UBR2: variants seen among roughly 807,000 people sequenced by gnomAD.
The protein encoded by UBR2 is E3 ubiquitin-protein ligase UBR2.
UBR2 carries 92 observed loss-of-function variants against 247.9 expected under a neutral mutation model. That is an observed-to-expected ratio of 0.37 (90% confidence interval 0.31 to 0.44). The LOEUF (loss-of-function observed/expected upper bound fraction) is 0.44. Ranked by LOEUF, UBR2 falls within the 20% of genes least tolerant of loss-of-function variation. The probability of loss-of-function intolerance (pLI) is 1.00; values close to 1 mark genes in which losing one functional copy is unlikely to be tolerated. For missense variants in UBR2, 1,613 were observed against 2,112.6 expected, an observed-to-expected ratio of 0.76 and a Z score of 4.64; for synonymous variants, 672 against 693.5, an observed-to-expected ratio of 0.97 and a Z score of 0.49.
chr6:42,679,680 C>A, intron 41 of UBR2, 44 bp from the exon 42 acceptor site: 1 of 1,378,908 alleles, frequency 7.3e-7, no homozygotes, highest in Non-Finnish European at 1.0e-6. Context: ...GCAGAATATG[C>A]CCTTAGTTGT....
At chr6:42,651,969 G>A in intron 23 of UBR2, 54 bp from the exon 24 acceptor site, 2 of 1,503,088 alleles carry the variant, frequency 1.3e-6, no homozygotes, top group Non-Finnish European at 1.8e-6. Flanking sequence ...AATTAACCAG[G>A]TGTGGTGGTG....
At chr6:42,679,651 G>A in intron 41 of UBR2, 73 bp from the exon 42 acceptor site, 1 of 1,091,208 alleles carries the variant, frequency 9.2e-7, no homozygotes, top group Non-Finnish European at 1.4e-6. Flanking sequence ...TTTAAACTCT[G>A]CTATTGCTTA....
At chr6:42,653,295 C>T (rs1000918948) in intron 25 of UBR2, among the ~76,000 whole-genome samples, 1 of 152,176 alleles carries the variant, frequency 6.6e-6, no homozygotes, top group Non-Finnish European at 1.5e-5. Context: ...GTTCCCCAGG[C>T]TGGTCTCAAA....
rs1186577422 is a variant in UBR2 at position 42,573,777 on chromosome 6, A to T, written c.122A>T (p.His41Leu). 6.2e-7 allele frequency: 1 copy of T among 1,608,558 alleles called. No individual in the cohort carries two copies. The highest frequency in any genetic ancestry group is 1.7e-5 in the Admixed American group (1 of 59,360). ...GACCTCACTAGAGAAGTGTACCAGC[A>T]TTTAGCCCACTATGTACCCAAAATC... ...ATDLTREVYQ[H>L]LAHYVPKIYC... The change falls in exon 2 of 47, where the codon CAT (histidine) becomes CTT (leucine). Residue 41 changes from histidine (H) to leucine (L), a missense_variant. Transcript: ENST00000372901.
At chr6:42,673,977 A>C in intron 37 of UBR2, 90 bp downstream of exon 37, 1 of 1,282,494 alleles carries the variant, frequency 7.8e-7, no homozygotes, top group Non-Finnish European at 1.1e-6. Context: ...TAATGAATTA[A>C]ATATTTAGTA....
chr6:42,669,984 T>C, intron 34 of UBR2, 108 bp from the exon 35 acceptor site: 1 of 1,284,688 alleles, frequency 7.8e-7, no homozygotes, highest in Non-Finnish European at 1.1e-6. Flanking sequence ...TCTCTGGATA[T>C]ATGTTAAGTG....
intron 13 of UBR2, 54 bp downstream of exon 13, chr6:42,632,958 C>CTTTTTTTTTTTTTTTTTTTTTTTTTTTTT (rs34284200): frequency 1.1e-5 from 7 of 647,132 alleles, no homozygotes; most frequent in African/African-American, 2.5e-5. Context: ...TCTCTTTTCT[C>CTTTTTTTTTTTTTTTTTTTTTTTTTTTTT]TTTTTTTTTT....
At chr6:42,573,290 A>T (rs1180729998) in intron 1 of UBR2, among the ~76,000 whole-genome samples, 2 of 152,194 alleles carry the variant, frequency 1.3e-5, no homozygotes, top group Non-Finnish European at 2.9e-5. Flanking sequence ...TTGGCTGTTC[A>T]TGTTCACCGT....
chr6:42,576,300 C>G (rs565944852), intron 2 of UBR2, among the ~76,000 whole-genome samples: 2 of 152,214 alleles, frequency 1.3e-5, no homozygotes, highest in South Asian at 4.1e-4. Flanking sequence ...CTCTTCTGTT[C>G]CCATCTAAGG....
At chr6:42,590,173 C>T (rs1205754966) in intron 2 of UBR2, among the ~76,000 whole-genome samples, 2 of 152,186 alleles carry the variant, frequency 1.3e-5, no homozygotes, top group African/African-American at 4.8e-5. Context: ...GAGATAGATA[C>T]TGCATACACA....
At chr6:42,620,332 A>G (rs1242174562) in intron 11 of UBR2, 3 of 152,108 alleles carry the variant, frequency 2.0e-5, no homozygotes, top group African/African-American at 7.2e-5. Context: ...TCCCTGTTAA[A>G]GTTGTCCTTT....
At chr6:42,578,029 C>T (rs1791637257) in intron 2 of UBR2, among the ~76,000 whole-genome samples, 1 of 151,924 alleles carries the variant, frequency 6.6e-6, no homozygotes, top group Admixed American at 6.6e-5. Context: ...CTAGGATATC[C>T]ATCACTTTGA....
rs777121112 is a variant in UBR2 at position 42,691,394 on chromosome 6, G to C, written c.*221G>C. The C allele has an allele frequency of 5.5e-5, 32 of 581,116 alleles. No individual in the cohort carries two copies. The highest frequency in any genetic ancestry group is 8.2e-5 in the Non-Finnish European group (28 of 342,462). The allele number at this position is 581,116 out of a possible 1,614,324, so 36.0% of individuals were successfully genotyped here. A position where few individuals can be genotyped will look rare whatever the true frequency, so the allele number is the denominator to read the frequency against. The stretch of plus-strand genomic sequence containing the variant: ...TCAAATATAATGTCTTGGGTTTTAA[G>C]ATCGAGCAAGGAGCTTCTCTTCCTA... On this transcript the variant is annotated 3_prime_UTR_variant, in exon 47 of 47. Coordinates refer to ENST00000372901, the MANE Select transcript of UBR2 (RefSeq NM_001363705.2).
rs1363933204 is a variant in UBR2, at chr6:42,671,422, AAAG to A, written c.4086+720_4086+722del. Reference sequence around the variant, plus strand: ...AAGATCCTATCTTTAAAAAAAAAAAAAAGAAGAAGAAGAAGCAGAAGAATGTAT... The same window carrying A: ...AAGATCCTATCTTTAAAAAAAAAAAAAAGAAGAAGAAGCAGAAGAATGTAT... On this transcript the variant is annotated intron_variant, in intron 36 of 46. Transcript: ENST00000372901. Among the ~76,000 whole-genome samples, 156 of 151,526 alleles carry A rather than the reference AAAG, an allele frequency of 1.0e-3. 1 individual carries two copies. Among genetic ancestry groups the A allele is most frequent in the African/African-American group, 3.5e-3 (146 of 41,308 alleles).
intron 11 of UBR2, among the ~76,000 whole-genome samples, chr6:42,626,452 C>T (rs1795354076): frequency 1.3e-5 from 2 of 152,182 alleles, no homozygotes; most frequent in South Asian, 4.1e-4. Context: ...GAAATGTATG[C>T]TCTCTTTTTA....
chr6:42,605,965 T>A, intron 6 of UBR2, 106 bp downstream of exon 6: 1 of 1,039,378 alleles, frequency 9.6e-7, no homozygotes, highest in Non-Finnish European at 1.3e-6. Flanking sequence ...AGGCTTTTCT[T>A]AAAATTTCAT....
At chr6:42,569,604 T>A (rs1790989371) in intron 1 of UBR2, among the ~76,000 whole-genome samples, 1 of 152,214 alleles carries the variant, frequency 6.6e-6, no homozygotes, top group African/African-American at 2.4e-5. Context: ...ACTATTGTTT[T>A]TATGGTTATG....
chr6:42,621,906 C>T (rs1387861392), intron 11 of UBR2, among the ~76,000 whole-genome samples: 1 of 152,192 alleles, frequency 6.6e-6, no homozygotes, highest in Non-Finnish European at 1.5e-5. Flanking sequence ...GGTATCTTTA[C>T]AATATTGAGT....
chr6:42,620,971 TTTTGTTTG>T lies in UBR2; in HGVS notation c.1281+3482_1281+3489del, dbSNP rs755703319. 3.6e-4 allele frequency among the ~76,000 whole-genome samples: 54 copies of T among 151,290 alleles called. No homozygotes were observed. The South Asian group carries it at 7.1e-3, about 20-fold the overall frequency. ...AGGCGTGTGTGACCATACCTGGCTA[TTTTGTTTG>T]TTTGTTTGTTTGTTTGTATTTTTAG... On this transcript the variant is annotated intron_variant, in intron 11 of 46. Coordinates refer to ENST00000372901, the MANE Select transcript of UBR2 (RefSeq NM_001363705.2).
Sources: allele counts gnomAD v4.1 joint callset (sites outside exome capture counted in the v4.1 genomes callset), GRCh38; gene constraint gnomAD v4.1.1; transcripts MANE v1.5; gene names NCBI Gene and HGNC (gene_info 2026-07-23, HGNC 2026-07-21).